SATL1: variants seen among roughly 807,000 people sequenced by gnomAD.
SATL1 encodes spermidine/spermine N1-acetyl transferase like 1.
A neutral mutation model predicts 51.8 loss-of-function variants in SATL1; 47 were observed. The ratio of observed to expected loss-of-function variants is 0.91; its 90% CI spans 0.72 to 1.16. The LOEUF is 1.16. Ranked by LOEUF, SATL1 falls within the 50% of genes most tolerant of loss-of-function variation. SATL1 has a pLI of 0.00. For missense variants in SATL1, 520 were observed against 526.4 expected, an observed-to-expected ratio of 0.99 and a Z score of 0.12; for synonymous variants, 176 against 182.4, an observed-to-expected ratio of 0.97 and a Z score of 0.28.
intron 2 of SATL1, among the ~76,000 whole-genome samples, chrX:85,223,982 T>C (rs892552355): frequency 8.9e-6 from 1 of 112,021 alleles, no homozygotes; most frequent in Admixed American, 9.5e-5. Context: ...CTAGTTCCGA[T>C]AAGTGGCAAA....
chrX:85,095,811 G>A (rs1924697900), intron 4 of SATL1, among the ~76,000 whole-genome samples: 1 of 77,548 alleles, frequency 1.3e-5, no homozygotes, highest in African/African-American at 5.4e-5. Context: ...GGGCGACAGA[G>A]CGAGACTCCG....
At chrX:85,170,719 A>G (rs781586347) in intron 2 of SATL1, among the ~76,000 whole-genome samples, 148 of 111,867 alleles carry the variant, frequency 1.3e-3, no homozygotes, top group African/African-American at 4.5e-3. Flanking sequence ...ATTGATTTGG[A>G]TAAATGAAAT....
rs746956531 is a variant in SATL1 at position 85,187,978 on chromosome X, A to G, written c.-313+36227T>C. Among the ~76,000 whole-genome samples, 9 of 110,960 alleles carry G rather than the reference A, an allele frequency of 8.1e-5. No individual in the cohort carries two copies. In the East Asian group the frequency reaches 2.6e-3, roughly 31 times the overall value. ...CCTAGAAGCCTCTCATCCCTCCTCT[A>G]TAATTGTAAAAAGGAAACAAATTAG... On this transcript the variant is annotated intron_variant, in intron 2 of 7. Transcript: ENST00000644105.
chrX:85,136,203 A>C (rs1289670872), intron 2 of SATL1, among the ~76,000 whole-genome samples: 1 of 110,437 alleles, frequency 9.1e-6, no homozygotes, highest in Non-Finnish European at 1.9e-5. Context: ...CAAGATTATG[A>C]GTTCAGCTTC....
intron 2 of SATL1, among the ~76,000 whole-genome samples, chrX:85,119,488 C>A (rs1447575841): frequency 8.9e-6 from 1 of 111,877 alleles, no homozygotes; most frequent in Non-Finnish European, 1.9e-5. Context: ...TTTAACCAAT[C>A]TCATATTTGA....
chrX:85,196,489 G>C (rs764516116), intron 2 of SATL1, among the ~76,000 whole-genome samples: 8 of 111,230 alleles, frequency 7.2e-5, no homozygotes, highest in Non-Finnish European at 1.3e-4. Flanking sequence ...AAATGCCAGA[G>C]TGCCAGAACA....
At chrX:85,165,471 T>G (rs1400836609) in intron 2 of SATL1, among the ~76,000 whole-genome samples, 1 of 110,952 alleles carries the variant, frequency 9.0e-6, no homozygotes, top group Admixed American at 9.6e-5. Flanking sequence ...TTTTTTTTCT[T>G]TAAGTTGATT....
chrX:85,160,919 C>A lies in SATL1; in HGVS notation c.-312-51639G>T, dbSNP rs139621173. Among the ~76,000 whole-genome samples the A allele has an allele frequency of 7.2e-5, 8 of 111,380 alleles. No homozygotes were observed. In the East Asian group the frequency reaches 2.3e-3, roughly 32 times the overall value. ...TGAAAGAAAAAAATCTTAAAGGCAG[C>A]TGGAGAGAAAGGTCAGGCCACGTAC... On this transcript the variant is annotated intron_variant, in intron 2 of 7. Transcript: ENST00000644105.
At position 85,107,290 on chromosome X, in the gene SATL1, C is replaced by T. The variant is rs1408026882; in HGVS notation, c.1641+38G>A. On this transcript the variant is annotated intron_variant, in intron 3 of 7. Transcript: ENST00000644105. ...CTCCCTTACTCTTTCAGCCCTACAC[C>T]AATGCCATGAGGCTCCATGTAATAA... 3 of 1,124,359 alleles carry T rather than the reference C, an allele frequency of 2.7e-6. No homozygotes were observed. In the Admixed American group the frequency reaches 6.7e-5, roughly 25 times the overall value. The allele number at this position is 1,124,359 out of a possible 1,213,427, so 92.7% of individuals were successfully genotyped here.
intron 2 of SATL1, among the ~76,000 whole-genome samples, chrX:85,216,082 C>T (rs1333177749): frequency 8.9e-6 from 1 of 111,749 alleles, no homozygotes; most frequent in Non-Finnish European, 1.9e-5. Flanking sequence ...TCTGTTTCCA[C>T]TAATGGCAGA....
At position 85,092,565 on chromosome X, in the gene SATL1, T is replaced by C. The variant is rs1390071560; in HGVS notation, c.1918-4A>G. The C allele has an allele frequency of 1.7e-6, 2 of 1,196,473 alleles. No homozygotes were observed. On this transcript the variant is annotated splice_region_variant and splice_polypyrimidine_tract_variant and intron_variant, in intron 7 of 7. Coordinates refer to ENST00000644105, the MANE Select transcript of SATL1 (RefSeq NM_001367857.2). ...TACATTGAGTTGTGATGGCTATCTG[T>C]TTAAAAACAAACAAGCAAATATTAC...
chrX:85,216,882 A>C (rs1010473200), intron 2 of SATL1, among the ~76,000 whole-genome samples: 3 of 111,946 alleles, frequency 2.7e-5, no homozygotes, highest in Non-Finnish European at 5.6e-5. Flanking sequence ...AAGAGGACTA[A>C]AATTGAATAG....
At chrX:85,157,141 T>C (rs1876409426) in intron 2 of SATL1, among the ~76,000 whole-genome samples, 1 of 109,521 alleles carries the variant, frequency 9.1e-6, no homozygotes, top group South Asian at 3.9e-4. Flanking sequence ...TTATGATCTC[T>C]ATATTTAAGG....
intron 2 of SATL1, among the ~76,000 whole-genome samples, chrX:85,203,761 G>T (rs750954433): frequency 1.3e-3 from 147 of 112,684 alleles, no homozygotes; most frequent in African/African-American, 4.4e-3. Context: ...AGCAAAGATG[G>T]CGGCCCGCCC....
At chrX:85,192,125 C>T (rs1196005516) in intron 2 of SATL1, among the ~76,000 whole-genome samples, 4 of 111,523 alleles carry the variant, frequency 3.6e-5, no homozygotes, top group Non-Finnish European at 7.5e-5. Context: ...ATAGTTCAAC[C>T]ACCCTTCATC....
intron 2 of SATL1, chrX:85,209,708 A>G (rs1345297745): frequency 1.8e-5 from 2 of 110,410 alleles, no homozygotes; most frequent in Admixed American, 1.9e-4. Context: ...TATTGTGTCT[A>G]TTTGATTCTT....
chrX:85,147,035 G>T (rs1232674904), intron 2 of SATL1, among the ~76,000 whole-genome samples: 1 of 112,598 alleles, frequency 8.9e-6, no homozygotes, highest in African/African-American at 3.2e-5. Context: ...CACTTGGGAA[G>T]CACAAGGGGT....
intron 2 of SATL1, 133 bp from the exon 3 acceptor site, chrX:85,109,413 C>T: frequency 6.1e-6 from 1 of 164,836 alleles, no homozygotes; most frequent in Non-Finnish European, 1.2e-5. Context: ...CGTGCTCCCC[C>T]GTGTGGTGAG....
At position 85,144,005 on chromosome X, in the gene SATL1, A is replaced by G. The variant is rs148260360; in HGVS notation, c.-312-34725T>C. On this transcript the variant is annotated intron_variant, in intron 2 of 7. Transcript: ENST00000644105. ...ATAAGTGGTATAATCATACCTGTCT[A>G]TGAAACAGCATAAAATCTTTGCCAA... 9.2e-3 allele frequency among the ~76,000 whole-genome samples: 1,031 copies of G among 112,313 alleles called. 8 individuals are homozygous for G. The highest frequency in any genetic ancestry group is 0.046 in the Middle Eastern group (10 of 217).
Sources: allele counts gnomAD v4.1 joint callset (sites outside exome capture counted in the v4.1 genomes callset), GRCh38; gene constraint gnomAD v4.1.1; transcripts MANE v1.5; gene names NCBI Gene and HGNC (gene_info 2026-07-23, HGNC 2026-07-21).